Variants in KHDRBS2 observed in about 807,000 individuals in gnomAD.
KHDRBS2 encodes KH domain-containing, RNA-binding, signal transduction-associated protein 2.
KHDRBS2 carries 26 observed loss-of-function variants against 44.3 expected under a neutral mutation model. The observed-to-expected ratio is 0.59, with a 90% CI of 0.43 to 0.81. KHDRBS2 has a LOEUF of 0.81. Among genes scored for constraint, KHDRBS2 ranks in the 40% least tolerant of loss-of-function variants. The probability of loss-of-function intolerance (pLI) is 0.00; values close to 1 mark genes in which losing one functional copy is unlikely to be tolerated. For synonymous variants in KHDRBS2, 194 were observed against 151.1 expected (o/e 1.28, Z -2.08); for missense variants, 476 against 433.1 (o/e 1.10, Z -0.88).
intron 1 of KHDRBS2, among the ~76,000 whole-genome samples, chr6:62,205,037 G>A (rs73760321): frequency 0.01 from 1,546 of 152,106 alleles, 32 homozygotes; most frequent in African/African-American, 0.035. Flanking sequence ...CTTCTTTTGG[G>A]GCAAAGTCAA....
chr6:61,556,286 G>A, the KHDRBS2 span, among the ~76,000 whole-genome samples: 2 of 152,236 alleles, frequency 1.3e-5, no homozygotes, highest in East Asian at 1.9e-4. Context: ...CACACTGGTG[G>A]CAATGGCAGT....
At chr6:62,115,397 G>A (rs1805981916) in intron 2 of KHDRBS2, among the ~76,000 whole-genome samples, 1 of 152,130 alleles carries the variant, frequency 6.6e-6, no homozygotes, top group African/African-American at 2.4e-5. Context: ...CAGTTTTACA[G>A]AAAAAAATAT....
At chr6:62,034,832 A>G (rs145747019) in intron 3 of KHDRBS2, among the ~76,000 whole-genome samples, 84 of 152,118 alleles carry the variant, frequency 5.5e-4, no homozygotes, top group African/African-American at 1.9e-3. Context: ...AAAAGATCAG[A>G]ATATGTATTT....
chr6:61,702,058 TA>T (rs1017020119), intron 7 of KHDRBS2, among the ~76,000 whole-genome samples: 1 of 151,734 alleles, frequency 6.6e-6, no homozygotes, highest in African/African-American at 2.4e-5. Context: ...ATTTTTTTTT[TA>T]ACAGAAAGAA....
At chr6:61,926,195 G>A (rs2127362946) in intron 4 of KHDRBS2, among the ~76,000 whole-genome samples, 1 of 152,240 alleles carries the variant, frequency 6.6e-6, no homozygotes, top group Non-Finnish European at 1.5e-5. Context: ...AATCATGATA[G>A]GAGAAACCAT....
chr6:61,638,235 C>T, the KHDRBS2 span, among the ~76,000 whole-genome samples: 1 of 152,064 alleles, frequency 6.6e-6, no homozygotes, highest in Non-Finnish European at 1.5e-5. Flanking sequence ...CTGGAGGCAT[C>T]ACACTACCTG....
At chr6:61,938,801 C>A (rs546366580) in intron 4 of KHDRBS2, among the ~76,000 whole-genome samples, 2 of 152,138 alleles carry the variant, frequency 1.3e-5, no homozygotes, top group East Asian at 3.9e-4. Context: ...AGAGGGGATT[C>A]TATAAAGAGA....
intron 4 of KHDRBS2, among the ~76,000 whole-genome samples, chr6:61,931,526 T>A (rs1810052330): frequency 6.6e-6 from 1 of 152,134 alleles, no homozygotes; most frequent in African/African-American, 2.4e-5. Flanking sequence ...TATAAAAATA[T>A]ACAATATTCA....
chr6:62,005,982 G>A (rs967415360), intron 3 of KHDRBS2, among the ~76,000 whole-genome samples: 2 of 151,900 alleles, frequency 1.3e-5, no homozygotes, highest in Non-Finnish European at 2.9e-5. Flanking sequence ...GCAATATTAA[G>A]AAATGGAATA....
At chr6:62,169,711 G>A (rs759210881) in intron 2 of KHDRBS2, among the ~76,000 whole-genome samples, 34 of 151,996 alleles carry the variant, frequency 2.2e-4, no homozygotes, top group Admixed American at 2.6e-4. Context: ...AAAATGCCCC[G>A]GCCCCACTGC....
intron 2 of KHDRBS2, among the ~76,000 whole-genome samples, chr6:62,097,792 C>A (rs1180065430): frequency 6.6e-6 from 1 of 152,052 alleles, no homozygotes; most frequent in African/African-American, 2.4e-5. Context: ...GTGTATTGCA[C>A]ACGTTTATAT....
chr6:61,629,987 C>G, the KHDRBS2 span, among the ~76,000 whole-genome samples: 5 of 152,172 alleles, frequency 3.3e-5, no homozygotes, highest in African/African-American at 1.2e-4. Context: ...TCAAATAGTA[C>G]TTTCAACCAT....
At chr6:62,181,626 T>C (rs1267240942) in intron 1 of KHDRBS2, among the ~76,000 whole-genome samples, 1 of 151,958 alleles carries the variant, frequency 6.6e-6, no homozygotes, top group Non-Finnish European at 1.5e-5. Context: ...AAAAACAGTA[T>C]AGAGATTCCT....
intron 1 of KHDRBS2, among the ~76,000 whole-genome samples, chr6:62,218,777 A>G (rs781131488): frequency 6.6e-6 from 1 of 151,924 alleles, no homozygotes; most frequent in Non-Finnish European, 1.5e-5. Context: ...TTAAGTATCC[A>G]TCAACAGATA....
At chr6:62,099,828 A>T (rs1801456159) in intron 2 of KHDRBS2, among the ~76,000 whole-genome samples, 2 of 152,022 alleles carry the variant, frequency 1.3e-5, no homozygotes, top group Admixed American at 6.5e-5. Flanking sequence ...TCACCCAAGA[A>T]CTCTGATGGA....
intron 2 of KHDRBS2, among the ~76,000 whole-genome samples, chr6:62,102,972 C>T (rs1802245969): frequency 6.6e-6 from 1 of 152,132 alleles, no homozygotes; most frequent in Non-Finnish European, 1.5e-5. Flanking sequence ...CTCAAGAGAT[C>T]CGAAGTGTGT....
chr6:61,664,497 C>A, the KHDRBS2 span, among the ~76,000 whole-genome samples: 1 of 151,776 alleles, frequency 6.6e-6, no homozygotes, highest in Non-Finnish European at 1.5e-5. Context: ...AAACAGGCAT[C>A]CTTTAACACC....
At chr6:61,823,315 G>T (rs1790288481) in intron 6 of KHDRBS2, among the ~76,000 whole-genome samples, 1 of 151,914 alleles carries the variant, frequency 6.6e-6, no homozygotes, top group Admixed American at 6.6e-5. Flanking sequence ...ATAAAAAGTT[G>T]TATATAATTT....
chr6:62,106,709 C>A (rs1020803126), intron 2 of KHDRBS2, among the ~76,000 whole-genome samples: 1 of 152,100 alleles, frequency 6.6e-6, no homozygotes, highest in African/African-American at 2.4e-5. Context: ...TACTGGCAAA[C>A]GGAATCCAGC....
Sources: allele counts gnomAD v4.1 joint callset (sites outside exome capture counted in the v4.1 genomes callset), GRCh38; gene constraint gnomAD v4.1.1; transcripts MANE v1.5; gene names NCBI Gene and HGNC (gene_info 2026-07-23, HGNC 2026-07-21).